The following GRM5 variants were observed in gnomAD, a reference collection of about 807,000 sequenced individuals.
GRM5 encodes the protein metabotropic glutamate receptor 5.
In GRM5, 19 loss-of-function variants were observed where a neutral mutation model predicts 83.1. That is an observed-to-expected ratio of 0.23 (90% CI 0.16 to 0.34). The LOEUF (loss-of-function observed/expected upper bound fraction) is 0.34. Among genes scored for constraint, GRM5 ranks in the 10% least tolerant of loss-of-function variants. GRM5 has a pLI of 1.00. For synonymous variants in GRM5, 675 were observed against 633.6 expected, an observed-to-expected ratio of 1.07 and a Z score of -0.98; for missense variants, 1,160 against 1,588.3, an observed-to-expected ratio of 0.73 and a Z score of 4.58.
At chr11:88,914,719 G>A (rs1240207129) in intron 2 of GRM5, among the ~76,000 whole-genome samples, 1 of 152,120 alleles carries the variant, frequency 6.6e-6, no homozygotes, top group Non-Finnish European at 1.5e-5. Context: ...GTGAATAACT[G>A]CATAGTGAAT....
chr11:89,041,944 C>T (rs1393260567), intron 2 of GRM5, among the ~76,000 whole-genome samples: 1 of 152,162 alleles, frequency 6.6e-6, no homozygotes, highest in Non-Finnish European at 1.5e-5. Context: ...AAAGGAAAAT[C>T]TTTCAGAGTT....
chr11:88,865,477 T>C (rs1468056854), intron 2 of GRM5, among the ~76,000 whole-genome samples: 1 of 152,094 alleles, frequency 6.6e-6, no homozygotes. Flanking sequence ...ACCTAGGCAA[T>C]ACCATTCAGG....
chr11:88,664,696 C>T (rs1209627394), intron 3 of GRM5, among the ~76,000 whole-genome samples: 2 of 152,094 alleles, frequency 1.3e-5, no homozygotes, highest in Non-Finnish European at 2.9e-5. Flanking sequence ...ATCCACCTGC[C>T]TCGGCCTCCC....
intron 3 of GRM5, among the ~76,000 whole-genome samples, chr11:88,816,253 G>C (rs1943678485): frequency 7.6e-6 from 1 of 131,524 alleles, no homozygotes; most frequent in Non-Finnish European, 1.6e-5. Context: ...AAAGAAATTG[G>C]AAACAGGCTG....
chr11:89,022,871 T>C (rs1941022958), intron 2 of GRM5, among the ~76,000 whole-genome samples: 4 of 151,988 alleles, frequency 2.6e-5, no homozygotes, highest in Non-Finnish European at 4.4e-5. Flanking sequence ...AGGAAATGGG[T>C]TTTGAACTAG....
In GRM5 at chr11:88,717,027, G is replaced by C. The variant is rs189512948; in HGVS notation, c.912-63624C>G. 3.3e-3 allele frequency among the ~76,000 whole-genome samples: 501 copies of C among 151,968 alleles called. 2 individuals carry two copies. Among genetic ancestry groups the C allele is most frequent in the Non-Finnish European group, 4.4e-3 (302 of 67,886 alleles). The stretch of plus-strand genomic sequence containing the variant: ...AGCCCTGTTGCTTGTACTTCCAATG[G>C]CTTTTCTCTTAGTAAGATAGTAAAT... On this transcript the variant is annotated intron_variant, in intron 3 of 9. Transcript: ENST00000305447.
chr11:88,685,447 A>G (rs955846888), intron 3 of GRM5, among the ~76,000 whole-genome samples: 11 of 152,248 alleles, frequency 7.2e-5, no homozygotes, highest in African/African-American at 2.7e-4. Flanking sequence ...TGACAATGTG[A>G]TAGAAAAGAA....
intron 4 of GRM5, among the ~76,000 whole-genome samples, chr11:88,624,140 C>T (rs1020158552): frequency 6.6e-6 from 1 of 152,182 alleles, no homozygotes; most frequent in Non-Finnish European, 1.5e-5. Context: ...CATTATTCAA[C>T]TTTATATCAA....
intron 2 of GRM5, among the ~76,000 whole-genome samples, chr11:88,892,098 T>C (rs1171510435): frequency 6.6e-6 from 1 of 151,808 alleles, no homozygotes; most frequent in Admixed American, 6.6e-5. Context: ...TTGGAAACCA[T>C]CTGTGAGTAA....
chr11:88,847,010 T>C (rs980659517), intron 3 of GRM5, among the ~76,000 whole-genome samples: 1 of 152,206 alleles, frequency 6.6e-6, no homozygotes, highest in African/African-American at 2.4e-5. Context: ...GTACACTGGA[T>C]TATAAGTTAT....
At chr11:88,737,959 A>T (rs945889147) in intron 3 of GRM5, among the ~76,000 whole-genome samples, 12 of 152,184 alleles carry the variant, frequency 7.9e-5, no homozygotes, top group Admixed American at 7.9e-4. Context: ...CATGATTACA[A>T]TGTTTTTGAA....
chr11:88,895,023 T>G (rs1257139383), intron 2 of GRM5, among the ~76,000 whole-genome samples: 1 of 151,972 alleles, frequency 6.6e-6, no homozygotes, highest in Non-Finnish European at 1.5e-5. Flanking sequence ...CTGAACTGAC[T>G]AAGAGAGTAG....
At position 88,526,869 on chromosome 11, in the gene GRM5, G is replaced by A. The variant is rs1407962890; in HGVS notation, c.2631-1465C>T. On this transcript the variant is annotated intron_variant, in intron 8 of 9. Coordinates refer to ENST00000305447, the MANE Select transcript of GRM5 (RefSeq NM_001143831.3). ...TATTAAATCCTAGGTAATGGACTTT[G>A]CACTACAGATGTAAAGATAAGTAAT... is the stretch of plus-strand genomic sequence containing the variant. Among the ~76,000 whole-genome samples the A allele has an allele frequency of 2.6e-5, 4 of 152,050 alleles. No individual in the cohort carries two copies. The East Asian group carries it at 7.7e-4, about 29-fold the overall frequency.
chr11:88,548,854 A>T (rs756314739), intron 8 of GRM5, among the ~76,000 whole-genome samples: 14 of 152,232 alleles, frequency 9.2e-5, no homozygotes, highest in Non-Finnish European at 1.9e-4. Flanking sequence ...TAGAGAAGTG[A>T]ATCTTTGCTG....
In GRM5 at chr11:88,633,395, G is replaced by A. The variant is rs998384150; in HGVS notation, c.1147+19773C>T. 3.9e-5 allele frequency among the ~76,000 whole-genome samples: 6 copies of A among 152,022 alleles called. No individual in the cohort carries two copies. In the East Asian group the frequency reaches 5.8e-4, roughly 15 times the overall value. On this transcript the variant is annotated intron_variant, in intron 4 of 9. Transcript: ENST00000305447. ...ACAGTCATTTTTTCTTCTACTGATCGTGTTTTGCTGTCGCGTATAAGAAAC... is the reference window on the plus strand; with the variant it reads ...ACAGTCATTTTTTCTTCTACTGATCATGTTTTGCTGTCGCGTATAAGAAAC...
intron 2 of GRM5, among the ~76,000 whole-genome samples, chr11:89,015,344 A>T (rs1940824258): frequency 6.6e-6 from 1 of 152,220 alleles, no homozygotes; most frequent in Admixed American, 6.5e-5. Flanking sequence ...ACTGTGAAGT[A>T]ACACATGCTA....
chr11:88,525,133 A>G (rs566095273), intron 9 of GRM5, among the ~76,000 whole-genome samples, 176 bp downstream of exon 9: 35 of 152,170 alleles, frequency 2.3e-4, no homozygotes, highest in Non-Finnish European at 4.6e-4. Context: ...ATTACTACAC[A>G]TGAGGGTGTC....
rs149634073 is a variant in GRM5, at chr11:88,554,764, G to T, written c.2630+12289C>A. ...GGTGAAAAAGTGTTCCCCTCAACCAGAAGTGGAGAAGGTGGATGAAGACTT... is the reference window on the plus strand; with the variant it reads ...GGTGAAAAAGTGTTCCCCTCAACCATAAGTGGAGAAGGTGGATGAAGACTT... On this transcript the variant is annotated intron_variant, in intron 8 of 9. Coordinates refer to ENST00000305447, the MANE Select transcript of GRM5 (RefSeq NM_001143831.3). Among the ~76,000 whole-genome samples, 32 of 152,234 alleles carry T rather than the reference G, an allele frequency of 2.1e-4. No homozygotes were observed. In the East Asian group the frequency reaches 5.8e-3, roughly 28 times the overall value.
chr11:88,991,704 C>A (rs1195257595), intron 2 of GRM5, among the ~76,000 whole-genome samples: 1 of 151,696 alleles, frequency 6.6e-6, no homozygotes, highest in African/African-American at 2.4e-5. Context: ...TCAGAAATAA[C>A]GCCGCATATC....
Sources: gnomAD v4.1 joint callset for allele counts (sites outside exome capture counted in the v4.1 genomes callset) on GRCh38, gnomAD v4.1.1 for gene constraint, MANE v1.5 for transcripts, NCBI Gene and HGNC (gene_info 2026-07-23, HGNC 2026-07-21) for gene names.